Variants in GARIN3 observed in about 807,000 individuals in gnomAD.
The protein encoded by GARIN3 is golgi associated RAB2 interactor family member 3, also known as Golgi-associated RAB2 interactor protein 3.
the GARIN3 span, among the ~76,000 whole-genome samples, chr5:157,164,081 G>GAAAGAAA: frequency 7.5e-6 from 1 of 132,472 alleles, no homozygotes; most frequent in South Asian, 2.7e-4. Flanking sequence ...AAGAAAGAAA[G>GAAAGAAA]AAAGAAAAAA....
the GARIN3 span, among the ~76,000 whole-genome samples, chr5:157,164,577 C>G: frequency 6.6e-6 from 1 of 152,194 alleles, no homozygotes; most frequent in Non-Finnish European, 1.5e-5. Context: ...CATCCTTGGA[C>G]ATTGTATTTT....
At chr5:157,164,272 C>G in the GARIN3 span, among the ~76,000 whole-genome samples, 1 of 151,214 alleles carries the variant, frequency 6.6e-6, no homozygotes, top group African/African-American at 2.4e-5. Context: ...GCCTTAGCCT[C>G]TTGAATAGCT....
At chr5:157,162,203 C>G in the GARIN3 span, 115 of 561,790 alleles carry the variant, frequency 2.0e-4, 1 homozygote, top group African/African-American at 2.1e-3. Context: ...CTCTGCTGGC[C>G]GTGGGCGGGT....
At chr5:157,163,046 A>G in the GARIN3 span, 1 of 1,614,204 alleles carries the variant, frequency 6.2e-7, no homozygotes, top group Non-Finnish European at 8.5e-7. Context: ...TCACTCATGT[A>G]GCCTTCGCTT....
At chr5:157,166,133 G>T in the GARIN3 span, 5 of 1,613,944 alleles carry the variant, frequency 3.1e-6, no homozygotes, top group Non-Finnish European at 4.2e-6. Flanking sequence ...AGTAGCTGTG[G>T]GCTGTGTAAT....
At chr5:157,163,247 C>T in the GARIN3 span, 2 of 1,614,042 alleles carry the variant, frequency 1.2e-6, no homozygotes, top group Non-Finnish European at 1.7e-6. Context: ...AAGCTAATAC[C>T]CTCTGAGGAT....
the GARIN3 span, chr5:157,165,907 C>A: frequency 6.2e-7 from 1 of 1,614,190 alleles, no homozygotes. Flanking sequence ...TGGGCCAGAA[C>A]CATGACGTCA....
chr5:157,162,511 A>C, the GARIN3 span: 6 of 1,614,096 alleles, frequency 3.7e-6, no homozygotes, highest in Non-Finnish European at 5.1e-6. Flanking sequence ...GCCACTGATC[A>C]TCTCCAGCTC....
chr5:157,163,062 G>A, the GARIN3 span: 6 of 1,614,238 alleles, frequency 3.7e-6, no homozygotes, highest in Non-Finnish European at 4.2e-6. Flanking sequence ...CGCTTTGCAA[G>A]GTGGAGATGA....
chr5:157,163,040 T>TCTA, the GARIN3 span: 1 of 1,614,272 alleles, frequency 6.2e-7, no homozygotes, highest in Admixed American at 1.7e-5. Context: ...TCTCGTTCAC[T>TCTA]CATGTAGCCT....
chr5:157,163,121 T>G, the GARIN3 span: 1 of 1,614,206 alleles, frequency 6.2e-7, no homozygotes, highest in Non-Finnish European at 8.5e-7. Context: ...CACTTGCTGG[T>G]CGTAATACTG....
chr5:157,162,814 C>A, the GARIN3 span: 1 of 1,614,162 alleles, frequency 6.2e-7, no homozygotes, highest in Non-Finnish European at 8.5e-7. Flanking sequence ...GTTGCTGTAC[C>A]CTTTTTCTTT....
chr5:157,166,253 T>C, the GARIN3 span: 1 of 1,526,026 alleles, frequency 6.6e-7, no homozygotes, highest in East Asian at 2.3e-5. Flanking sequence ...CCCATCTCCC[T>C]ACAGGACTTC....
chr5:157,163,311 G>T, the GARIN3 span: 5 of 1,613,976 alleles, frequency 3.1e-6, no homozygotes, highest in Non-Finnish European at 4.2e-6. Flanking sequence ...CTGGATTTTT[G>T]ATAGCTGCTC....
chr5:157,163,845 C>G, the GARIN3 span, among the ~76,000 whole-genome samples: 1 of 152,126 alleles, frequency 6.6e-6, no homozygotes, highest in Admixed American at 6.6e-5. Flanking sequence ...CGCTTGAGGC[C>G]AGGAGTTCAA....
At chr5:157,166,178 C>T in the GARIN3 span, 6 of 1,596,174 alleles carry the variant, frequency 3.8e-6, no homozygotes, top group Non-Finnish European at 3.4e-6. Flanking sequence ...TGGTTCTCTT[C>T]GTTTAAGACA....
At chr5:157,165,351 G>A in the GARIN3 span, among the ~76,000 whole-genome samples, 2 of 152,162 alleles carry the variant, frequency 1.3e-5, no homozygotes, top group African/African-American at 2.4e-5. Flanking sequence ...TGATACCTAA[G>A]GTCTCTGAAA....
chr5:157,164,219 G>A, the GARIN3 span, among the ~76,000 whole-genome samples: 1 of 135,870 alleles, frequency 7.4e-6, no homozygotes, highest in Admixed American at 8.5e-5. Context: ...GCACGATCTT[G>A]GCTCACTGCA....
the GARIN3 span, chr5:157,163,115 T>TG: frequency 5.6e-6 from 9 of 1,614,232 alleles, no homozygotes; most frequent in South Asian, 9.9e-5. Flanking sequence ...GCTGCACACT[T>TG]GCTGGTCGTA....
Sources: allele counts gnomAD v4.1 joint callset (sites outside exome capture counted in the v4.1 genomes callset), GRCh38; gene constraint gnomAD v4.1.1; transcripts MANE v1.5; gene names NCBI Gene and HGNC (gene_info 2026-07-23, HGNC 2026-07-21).